The following TCAIM variants were observed in gnomAD, a reference collection of about 807,000 sequenced individuals.
TCAIM encodes the protein T-cell activation inhibitor, mitochondrial.
In TCAIM, 36 loss-of-function variants were observed where a neutral mutation model predicts 58.6. That is an observed-to-expected ratio of 0.61 (90% CI 0.47 to 0.81). The LOEUF (loss-of-function observed/expected upper bound fraction) is 0.81. Ranked by LOEUF, TCAIM falls within the 30% of genes least tolerant of loss-of-function variation. The probability of loss-of-function intolerance (pLI) is 0.00; values close to 1 mark genes in which losing one functional copy is unlikely to be tolerated. For synonymous variants in TCAIM, 172 were observed against 193.6 expected, an observed-to-expected ratio of 0.89 and a Z score of 0.93; for missense variants, 466 against 579.6, an observed-to-expected ratio of 0.80 and a Z score of 2.01.
intron 10 of TCAIM, among the ~76,000 whole-genome samples, chr3:44,405,622 A>G (rs1225671312): frequency 2.0e-5 from 3 of 152,030 alleles, no homozygotes; most frequent in Non-Finnish European, 4.4e-5. Context: ...GCAGTGAACC[A>G]TGGTCACGAC....
chr3:44,406,177 T>G (rs1480282799), intron 10 of TCAIM, among the ~76,000 whole-genome samples: 1 of 152,138 alleles, frequency 6.6e-6, no homozygotes. Flanking sequence ...GATGAGACTG[T>G]AGGCTTCTCC....
intron 5 of TCAIM, among the ~76,000 whole-genome samples, chr3:44,375,035 A>G (rs1249746901): frequency 1.3e-5 from 2 of 152,196 alleles, no homozygotes; most frequent in Non-Finnish European, 2.9e-5. Context: ...TTCACAGTCC[A>G]GCATTAGTCC....
intron 5 of TCAIM, among the ~76,000 whole-genome samples, chr3:44,390,210 G>C (rs1201025522): frequency 6.6e-6 from 1 of 152,116 alleles, no homozygotes; most frequent in African/African-American, 2.4e-5. Flanking sequence ...ATAATGATTT[G>C]TCAGTTTCAA....
chr3:44,402,916 T>A (rs1476509289), intron 10 of TCAIM, among the ~76,000 whole-genome samples: 1 of 152,084 alleles, frequency 6.6e-6, no homozygotes, highest in Non-Finnish European at 1.5e-5. Flanking sequence ...TCTCCCGCCT[T>A]ACCGTTCATT....
At position 44,396,767 on chromosome 3, in the gene TCAIM, G is replaced by A. The variant is rs201827943; in HGVS notation, c.818G>A (p.Arg273His). The stretch of plus-strand genomic sequence containing the variant: ...GGGTGTACAATCATATTTACAGACC[G>A]TTCTGGCATGAGTGCAGTGGGCCAT... ...AKGCTIIFTD[R>H]SGMSAVGHVM... The change falls in exon 8 of 11, where the codon CGT (arginine) becomes CAT (histidine). Residue 273 changes from arginine (R) to histidine (H), a missense_variant. Physicochemically the swap from Arg to His is conservative, Grantham distance 29. Coordinates refer to ENST00000342649, the MANE Select transcript of TCAIM (RefSeq NM_173826.4). 26 of 1,614,006 alleles carry A rather than the reference G, an allele frequency of 1.6e-5. No homozygotes were observed. Among genetic ancestry groups the A allele is most frequent in the African/African-American group, 5.3e-5 (4 of 74,912 alleles).
chr3:44,378,759 C>T (rs780513425), intron 5 of TCAIM, among the ~76,000 whole-genome samples: 2 of 147,982 alleles, frequency 1.4e-5, no homozygotes, highest in Non-Finnish European at 3.0e-5. Context: ...TGCAGTGAGC[C>T]GAGATCACTC....
At chr3:44,353,800 G>A (rs896526716) in intron 1 of TCAIM, among the ~76,000 whole-genome samples, 2 of 152,064 alleles carry the variant, frequency 1.3e-5, no homozygotes, top group African/African-American at 2.4e-5. Flanking sequence ...TAAGCTTTAG[G>A]AGTTCTTTGT....
chr3:44,361,987 C>T (rs537958752), intron 4 of TCAIM, among the ~76,000 whole-genome samples: 42 of 152,286 alleles, frequency 2.8e-4, no homozygotes, highest in African/African-American at 1.0e-3. Context: ...TCCAATTGAT[C>T]TTAGCAGACA....
At chr3:44,351,040 C>G (rs1251645784) in intron 1 of TCAIM, among the ~76,000 whole-genome samples, 2 of 152,204 alleles carry the variant, frequency 1.3e-5, no homozygotes, top group Admixed American at 6.5e-5. Flanking sequence ...GAGTCTCACT[C>G]TCTTGCCCAG....
intron 5 of TCAIM, among the ~76,000 whole-genome samples, chr3:44,379,891 A>G (rs1185529662): frequency 6.6e-6 from 1 of 152,094 alleles, no homozygotes; most frequent in Non-Finnish European, 1.5e-5. Context: ...AATTATATCT[A>G]GGGAAGAGAG....
chr3:44,381,959 AT>A (rs1438141331), intron 5 of TCAIM, among the ~76,000 whole-genome samples: 1 of 152,214 alleles, frequency 6.6e-6, no homozygotes, highest in African/African-American at 2.4e-5. Context: ...CTATAAAAAC[AT>A]TTCTGAAAGA....
intron 2 of TCAIM, among the ~76,000 whole-genome samples, chr3:44,355,714 T>C (rs1259791214): frequency 6.6e-6 from 1 of 152,192 alleles, no homozygotes; most frequent in Non-Finnish European, 1.5e-5. Context: ...TTTGCAACAT[T>C]GAGAAAGGTG....
intron 8 of TCAIM, among the ~76,000 whole-genome samples, chr3:44,397,918 CATT>C (rs770414187): frequency 3.2e-4 from 49 of 151,272 alleles, no homozygotes; most frequent in Non-Finnish European, 4.9e-4. Flanking sequence ...CTGACAAAGA[CATT>C]ATATCTAGAA....
intron 4 of TCAIM, among the ~76,000 whole-genome samples, chr3:44,363,573 T>G (rs1575249701): frequency 6.6e-6 from 1 of 152,226 alleles, no homozygotes; most frequent in Non-Finnish European, 1.5e-5. Context: ...ATTGAAATCC[T>G]TAAAGGCTGA....
chr3:44,341,913 A>G (rs539605971), intron 1 of TCAIM, among the ~76,000 whole-genome samples: 1 of 152,280 alleles, frequency 6.6e-6, no homozygotes, highest in African/African-American at 2.4e-5. Context: ...TTAGGTTCTA[A>G]ATTAGATTTC....
At chr3:44,362,487 C>G in intron 4 of TCAIM, 1 of 400,812 alleles carries the variant, frequency 2.5e-6, no homozygotes, top group East Asian at 3.6e-5. Flanking sequence ...CAACTCCTCA[C>G]CCAGTCTCTC....
chr3:44,369,008 G>A (rs1379935342), intron 5 of TCAIM, among the ~76,000 whole-genome samples: 1 of 152,172 alleles, frequency 6.6e-6, no homozygotes, highest in East Asian at 1.9e-4. Context: ...GGGTGACAAA[G>A]TGAGACCCTG....
At chr3:44,387,371 C>T (rs1399817540) in intron 5 of TCAIM, among the ~76,000 whole-genome samples, 9 of 152,208 alleles carry the variant, frequency 5.9e-5, no homozygotes, top group African/African-American at 2.2e-4. Context: ...AATGGTGGGA[C>T]TTAAAGAGCT....
intron 1 of TCAIM, chr3:44,340,111 C>T (rs1056150539): frequency 4.6e-5 from 7 of 152,188 alleles, no homozygotes; most frequent in Admixed American, 4.6e-4. Flanking sequence ...ATGTGGATGT[C>T]CCAGACTTTT....
Sources: gnomAD v4.1 joint callset for allele counts (sites outside exome capture counted in the v4.1 genomes callset) on GRCh38, gnomAD v4.1.1 for gene constraint, MANE v1.5 for transcripts, NCBI Gene and HGNC (gene_info 2026-07-23, HGNC 2026-07-21) for gene names.